Variants in TMPRSS6 observed in about 807,000 individuals in gnomAD.
TMPRSS6 encodes the protein transmembrane protease serine 6.
TMPRSS6 carries 67 observed loss-of-function variants against 101.5 expected under a neutral mutation model. The ratio of observed to expected loss-of-function variants is 0.66; its 90% CI spans 0.54 to 0.81. The LOEUF is 0.81. TMPRSS6 is among the 30% of genes least tolerant of loss of function. The pLI, the probability that TMPRSS6 is intolerant of heterozygous loss-of-function variation, is 0.00. For missense variants in TMPRSS6, 1,034 were observed against 1,088.7 expected (o/e 0.95, Z 0.71); for synonymous variants, 453 against 464.9 (o/e 0.97, Z 0.33).
At chr22:37,078,981 G>GA (rs764495902) in intron 10 of TMPRSS6, among the ~76,000 whole-genome samples, 17 of 140,554 alleles carry the variant, frequency 1.2e-4, no homozygotes, top group African/African-American at 4.6e-4. Flanking sequence ...GAAAAAGAAA[G>GA]AAAGAAAGAA....
intron 10 of TMPRSS6, chr22:37,083,901 G>A (rs114824456): frequency 0.01 from 4,969 of 474,130 alleles, 184 homozygotes; most frequent in South Asian, 0.084. Flanking sequence ...CTGATGGTAC[G>A]CCTTGGGTTT....
intron 10 of TMPRSS6, chr22:37,084,014 C>T: frequency 1.8e-6 from 1 of 562,984 alleles, no homozygotes; most frequent in Non-Finnish European, 3.2e-6. Context: ...GAAGATGAGA[C>T]AATTTTGCTG....
At chr22:37,098,951 G>C (rs1930063661) in intron 2 of TMPRSS6, among the ~76,000 whole-genome samples, 2 of 152,220 alleles carry the variant, frequency 1.3e-5, no homozygotes, top group Admixed American at 6.5e-5. Context: ...ATCCCACAGT[G>C]TGTGCTAACC....
intron 10 of TMPRSS6, among the ~76,000 whole-genome samples, chr22:37,076,411 G>A (rs1024655059): frequency 1.8e-4 from 28 of 152,302 alleles, no homozygotes; most frequent in African/African-American, 6.5e-4. Flanking sequence ...TCACATCCCT[G>A]CTGGACAACA....
chr22:37,110,046 T>C (rs913440593), upstream of TMPRSS6, among the ~76,000 whole-genome samples: 3 of 151,508 alleles, frequency 2.0e-5, no homozygotes, highest in African/African-American at 7.3e-5. Context: ...GCCCATATAC[T>C]CTGGGGACTG....
In TMPRSS6 at chr22:37,070,562, C is replaced by T. The variant is rs199585607; in HGVS notation, c.1763G>A (p.Arg588Gln). 19 of 1,613,328 alleles carry T rather than the reference C, an allele frequency of 1.2e-5. No individual in the cohort carries two copies. The highest frequency in any genetic ancestry group is 3.3e-4 in the Middle Eastern group (2 of 6,062). ...GGCCCCCCCACAGATGTGTCGACCC[C>T]GAACCTGGAGGCTGGCCTGCCATGG... ...EWPWQASLQV[R>Q]GRHICGGALI... Residue 588 changes from arginine to glutamine, a missense_variant, in exon 15 of 18, where the codon CGG (arginine) becomes CAG (glutamine). Physicochemically the swap from Arg to Gln is conservative, Grantham distance 43. Coordinates refer to ENST00000676104, the MANE Select transcript of TMPRSS6 (RefSeq NM_001374504.1).
In TMPRSS6 at chr22:37,066,069, G is replaced by C. The variant is rs1484467533; in HGVS notation, c.*11C>G. On this transcript the variant is annotated 3_prime_UTR_variant, in exon 18 of 18. Coordinates refer to ENST00000676104, the MANE Select transcript of TMPRSS6 (RefSeq NM_001374504.1). The stretch of plus-strand genomic sequence containing the variant: ...CAGGAGGTGGGCCCTGCTTTGCAGG[G>C]GGGCAGTTCCTCAGGTCACCACTTG... 6.2e-7 allele frequency: 1 copy of C among 1,613,512 alleles called. No homozygotes were observed. The highest frequency in any genetic ancestry group is 2.2e-5 in the East Asian group (1 of 44,878).
intron 6 of TMPRSS6, among the ~76,000 whole-genome samples, chr22:37,090,306 T>C (rs1929153604): frequency 1.3e-5 from 2 of 152,112 alleles, no homozygotes; most frequent in African/African-American, 2.4e-5. Context: ...CCTGCAGCCA[T>C]AGGGAGCCAC....
In TMPRSS6 at chr22:37,098,979, C is replaced by T. The variant is rs1358889851; in HGVS notation, c.203-430G>A. ...TGCTAACCACCTACTACATGGGGTA[C>T]GCCAGTTAACCAAGACAGATGTGCC... is the stretch of plus-strand genomic sequence containing the variant. On this transcript the variant is annotated intron_variant, in intron 2 of 17. Transcript: ENST00000676104. Among the ~76,000 whole-genome samples the T allele has an allele frequency of 3.3e-5, 5 of 152,194 alleles. No individual in the cohort carries two copies. In the East Asian group the frequency reaches 7.7e-4, roughly 23 times the overall value.
Position 37,065,810 on chromosome 22 carries a change from A to G in TMPRSS6, c.*270T>C. 1 of 526,884 alleles carries G rather than the reference A, an allele frequency of 1.9e-6. No individual in the cohort carries two copies. The highest frequency in any genetic ancestry group is 3.5e-6 in the Non-Finnish European group (1 of 289,832). 32.6% of individuals were successfully genotyped at this position (526,884 alleles called of 1,614,324 possible). ...CCTTGCATTAGGCAGCAGTGGAGGA[A>G]GGGGACGGAGGAGAGAGAATTGGGA... On this transcript the variant is annotated 3_prime_UTR_variant, in exon 18 of 18. Coordinates refer to ENST00000676104, the MANE Select transcript of TMPRSS6 (RefSeq NM_001374504.1).
intron 1 of TMPRSS6, among the ~76,000 whole-genome samples, chr22:37,108,351 G>T (rs1330659441): frequency 6.6e-6 from 1 of 152,206 alleles, no homozygotes; most frequent in South Asian, 2.1e-4. Context: ...GAGTGCCCTA[G>T]AAGGGGCGGC....
At chr22:37,105,768 C>T (rs1269143414) in intron 1 of TMPRSS6, among the ~76,000 whole-genome samples, 3 of 152,182 alleles carry the variant, frequency 2.0e-5, no homozygotes, top group Admixed American at 1.3e-4. Context: ...CTCCTGGGTT[C>T]GAGTGATCCT....
In TMPRSS6 at chr22:37,078,949, G is replaced by GAAAGAAAGAA. The variant is rs1927978636; in HGVS notation, c.1197-3670_1197-3669insTTCTTTCTTT. 7.0e-5 allele frequency among the ~76,000 whole-genome samples: 8 copies of GAAAGAAAGAA among 113,646 alleles called. 1 individual carries two copies. The highest frequency in any genetic ancestry group is 5.1e-4 in the East Asian group (2 of 3,886). The allele number at this position is 113,646 out of a possible 152,430, so 74.6% of individuals were successfully genotyped here. On this transcript the variant is annotated intron_variant, in intron 10 of 17. Transcript: ENST00000676104. ...GAAGAGGAAGAAGGAGAAGGAGAAG[G>GAAAGAAAGAA]AGAAAAAGAGAAAGAAAGAAAGAAA...
chr22:37,101,340 G>T lies in TMPRSS6; in HGVS notation c.202+1876C>A, dbSNP rs190150000. ...GGGCTTGAGAACACATAAAACTCTT[G>T]CCTGGGAGAGCAGGAAAGGGAAAGG... On this transcript the variant is annotated intron_variant, in intron 2 of 17. Transcript: ENST00000676104. This position sits in a 1 kb window ranked among gnomAD's most constrained non-coding sequence, Gnocchi z 4.1. 6.6e-6 allele frequency among the ~76,000 whole-genome samples: 1 copy of T among 152,190 alleles called. No homozygotes were observed. Among genetic ancestry groups the T allele is most frequent in the East Asian group, 1.9e-4 (1 of 5,178 alleles).
At chr22:37,104,984 T>A (rs1930622264) in intron 1 of TMPRSS6, among the ~76,000 whole-genome samples, 2 of 150,318 alleles carry the variant, frequency 1.3e-5, no homozygotes, top group Middle Eastern at 3.4e-3. Context: ...CATAAAAAAA[T>A]AAATAAAATG....
chr22:37,090,892 G>A (rs954974758), intron 6 of TMPRSS6, among the ~76,000 whole-genome samples: 6 of 152,158 alleles, frequency 3.9e-5, no homozygotes, highest in African/African-American at 1.4e-4. Context: ...TGGGGAGAAA[G>A]GCCTGTGACT....
At chr22:37,106,391 C>T (rs948644749) in intron 1 of TMPRSS6, among the ~76,000 whole-genome samples, 1 of 152,078 alleles carries the variant, frequency 6.6e-6, no homozygotes, top group Non-Finnish European at 1.5e-5. Context: ...CCTCCCCTCC[C>T]CTCTCATCCT....
At chr22:37,083,329 T>C (rs959924285) in intron 10 of TMPRSS6, among the ~76,000 whole-genome samples, 4 of 152,108 alleles carry the variant, frequency 2.6e-5, no homozygotes, top group Admixed American at 6.5e-5. Context: ...TCCCCAACAA[T>C]GGAGCCATGG....
rs1015874603 is a variant in TMPRSS6, at chr22:37,074,846, C to T, written c.1343-138G>A. On this transcript the variant is annotated intron_variant, in intron 11 of 17. Transcript: ENST00000676104. ...GCACCCACAGACGTGGTCCTGGGCACCTGTGTACACAGTCCAAGCAGACAT... is the reference window on the plus strand; with the variant it reads ...GCACCCACAGACGTGGTCCTGGGCATCTGTGTACACAGTCCAAGCAGACAT... 93 of 922,106 alleles carry T rather than the reference C, an allele frequency of 1.0e-4. 1 individual carries two copies. In the South Asian group the frequency reaches 1.3e-3, roughly 13 times the overall value. The allele number at this position is 922,106 out of a possible 1,614,324, so 57.1% of individuals were successfully genotyped here.
Sources: gnomAD v4.1 joint callset for allele counts (sites outside exome capture counted in the v4.1 genomes callset) on GRCh38, gnomAD v4.1.1 for gene constraint, Gnocchi (gnomAD v3.1) non-coding constraint, MANE v1.5 for transcripts, NCBI Gene and HGNC (gene_info 2026-07-23, HGNC 2026-07-21) for gene names.